CFAP54: variants seen among roughly 807,000 people sequenced by gnomAD.
CFAP54 encodes cilia- and flagella-associated protein 54.
In CFAP54, 290 loss-of-function variants were observed where a neutral mutation model predicts 370.4. The observed-to-expected ratio is 0.78, with a 90% confidence interval of 0.71 to 0.86. The LOEUF (loss-of-function observed/expected upper bound fraction) is 0.86, where lower values mean the gene tolerates loss of function less well. CFAP54 is among the 40% of genes least tolerant of loss of function. The pLI is 0.00. For missense variants in CFAP54, 3,399 were observed against 3,528.7 expected (o/e 0.96, Z 0.93); for synonymous variants, 1,206 against 1,236.5 (o/e 0.98, Z 0.52).
chr12:96,730,893 G>C (rs1256071549), intron 50 of CFAP54, among the ~76,000 whole-genome samples: 1 of 152,138 alleles, frequency 6.6e-6, no homozygotes, highest in African/African-American at 2.4e-5. Flanking sequence ...CAGAGGATTT[G>C]GGAGATTTAT....
intron 42 of CFAP54, 98 bp from the exon 43 acceptor site, chr12:96,688,818 A>T (rs1422298435): frequency 3.4e-6 from 2 of 593,818 alleles, no homozygotes; most frequent in Non-Finnish European, 5.8e-6. Context: ...CATTTTTCTT[A>T]TACTTTTTGT....
chr12:96,730,669 T>G (rs1239785996), intron 50 of CFAP54, among the ~76,000 whole-genome samples: 1 of 152,196 alleles, frequency 6.6e-6, no homozygotes, highest in African/African-American at 2.4e-5. Flanking sequence ...CCATTCAAAT[T>G]GAAATTTGGA....
intron 55 of CFAP54, among the ~76,000 whole-genome samples, chr12:96,752,085 T>TGAGAGACAGAGAGAGA (rs1555318323): frequency 6.2e-4 from 56 of 90,622 alleles, no homozygotes; most frequent in African/African-American, 2.2e-3. Flanking sequence ...TCTTCCTGGA[T>TGAGAGACAGAGAGAGA]GAGAGAGAGA....
intron 60 of CFAP54, among the ~76,000 whole-genome samples, chr12:96,765,956 A>C (rs1958398422): frequency 6.6e-6 from 1 of 152,174 alleles, no homozygotes; most frequent in South Asian, 2.1e-4. Context: ...TGTGCTAAGC[A>C]CTTGGATAGG....
intron 58 of CFAP54, among the ~76,000 whole-genome samples, chr12:96,762,154 C>CATA (rs1459199007): frequency 6.6e-6 from 1 of 152,114 alleles, no homozygotes; most frequent in Non-Finnish European, 1.5e-5. Context: ...GAGTCTTATA[C>CATA]ATTTTTGTTA....
chr12:96,617,174 G>A (rs1024985826), intron 26 of CFAP54, among the ~76,000 whole-genome samples: 2 of 152,178 alleles, frequency 1.3e-5, no homozygotes, highest in African/African-American at 4.8e-5. Flanking sequence ...TGTAGTGAAT[G>A]GGGAGAAGGT....
rs185473820 is a variant in CFAP54, at chr12:96,498,546, G to A, written c.318-2288G>A. Among the ~76,000 whole-genome samples, 15 of 152,180 alleles carry A rather than the reference G, an allele frequency of 9.9e-5. No homozygotes were observed. In the South Asian group the frequency reaches 2.7e-3, roughly 27 times the overall value. Reference sequence around the variant, plus strand: ...TGCGTGCCTGTAGTCCCAGCTACTCGGGAGGCTGAGGCAGGAGAATCACTT... The same window carrying A: ...TGCGTGCCTGTAGTCCCAGCTACTCAGGAGGCTGAGGCAGGAGAATCACTT... On this transcript the variant is annotated intron_variant, in intron 1 of 67. Coordinates refer to ENST00000524981, the MANE Select transcript of CFAP54 (RefSeq NM_001306084.2).
intron 60 of CFAP54, among the ~76,000 whole-genome samples, chr12:96,774,313 G>T (rs1323623093): frequency 6.6e-6 from 1 of 152,066 alleles, no homozygotes; most frequent in African/African-American, 2.4e-5. Flanking sequence ...CTATATAGTA[G>T]AAATTATTAA....
intron 50 of CFAP54, among the ~76,000 whole-genome samples, chr12:96,724,389 C>A (rs1455916455): frequency 2.6e-5 from 4 of 152,056 alleles, no homozygotes; most frequent in African/African-American, 9.6e-5. Flanking sequence ...GAGATGGTAT[C>A]TCATTGTGGT....
chr12:96,557,323 T>G (rs764580430), intron 17 of CFAP54, among the ~76,000 whole-genome samples: 2 of 152,046 alleles, frequency 1.3e-5, no homozygotes, highest in Non-Finnish European at 2.9e-5. Flanking sequence ...AACAAGACAA[T>G]AAGCAAAAGA....
intron 26 of CFAP54, among the ~76,000 whole-genome samples, chr12:96,618,438 C>T (rs866245454): frequency 2.0e-5 from 3 of 152,106 alleles, no homozygotes; most frequent in Admixed American, 6.5e-5. Context: ...ACAGGAGATT[C>T]GCTTCTCGTC....
At chr12:96,871,717 G>A (rs1046859081) in intron 67 of CFAP54, among the ~76,000 whole-genome samples, 11 of 151,982 alleles carry the variant, frequency 7.2e-5, no homozygotes, top group Non-Finnish European at 1.5e-4. Flanking sequence ...AATGGAAAAA[G>A]AACCAAATGG....
chr12:96,651,889 A>G (rs1956862273), intron 36 of CFAP54, 74 bp downstream of exon 36: 1 of 905,518 alleles, frequency 1.1e-6, no homozygotes, highest in Admixed American at 3.6e-5. Flanking sequence ...GTATAAGTAG[A>G]AACTGTTTTT....
intron 22 of CFAP54, among the ~76,000 whole-genome samples, chr12:96,584,992 G>A (rs1468568399): frequency 7.1e-6 from 1 of 140,896 alleles, no homozygotes; most frequent in Non-Finnish European, 1.5e-5. Context: ...GAAAGAGAAT[G>A]TGATTGGCCC....
intron 61 of CFAP54, among the ~76,000 whole-genome samples, chr12:96,786,460 C>T (rs1299259198): frequency 6.6e-6 from 1 of 152,148 alleles, no homozygotes; most frequent in Admixed American, 6.5e-5. Context: ...GGATTATAGG[C>T]ATAAGCCACC....
intron 36 of CFAP54, among the ~76,000 whole-genome samples, chr12:96,657,556 A>G (rs1956935699): frequency 6.6e-6 from 1 of 152,240 alleles, no homozygotes; most frequent in Non-Finnish European, 1.5e-5. Flanking sequence ...GGCTATTTAA[A>G]TTTAAACTTG....
intron 66 of CFAP54, among the ~76,000 whole-genome samples, chr12:96,845,398 T>C (rs1051013081): frequency 6.6e-6 from 1 of 152,214 alleles, no homozygotes; most frequent in Non-Finnish European, 1.5e-5. Context: ...GAAAACTTCG[T>C]TTTCTCAGCT....
At chr12:96,534,277 C>T (rs1236503289) in intron 11 of CFAP54, 50 bp downstream of exon 11, 1 of 1,030,058 alleles carries the variant, frequency 9.7e-7, no homozygotes, top group Non-Finnish European at 1.4e-6. Flanking sequence ...GAAATATGCT[C>T]TTTTATAGAT....
intron 9 of CFAP54, among the ~76,000 whole-genome samples, chr12:96,530,114 C>T (rs1201125056): frequency 6.6e-6 from 1 of 152,162 alleles, no homozygotes; most frequent in African/African-American, 2.4e-5. Context: ...ATCCCTTAGT[C>T]ATAAATTAGG....
Sources: gnomAD v4.1 joint callset for allele counts (sites outside exome capture counted in the v4.1 genomes callset) on GRCh38, gnomAD v4.1.1 for gene constraint, MANE v1.5 for transcripts, NCBI Gene and HGNC (gene_info 2026-07-23, HGNC 2026-07-21) for gene names.